Variants in UPF2 observed in about 807,000 individuals in gnomAD.
UPF2 encodes UPF2 regulator of nonsense mediated mRNA decay.
A neutral mutation model predicts 141.4 loss-of-function variants in UPF2; 17 were observed. The ratio of observed to expected loss-of-function variants is 0.12; its 90% confidence interval spans 0.08 to 0.18. The LOEUF is 0.18. Among genes scored for constraint, UPF2 ranks in the 10% least tolerant of loss-of-function variants. The probability of loss-of-function intolerance (pLI) is 1.00; values close to 1 mark genes in which losing one functional copy is unlikely to be tolerated. For synonymous variants in UPF2, 540 were observed against 498.0 expected (o/e 1.08, Z -1.12); for missense variants, 1,152 against 1,515.9 (o/e 0.76, Z 3.99).
rs768994632 is a variant in UPF2, at chr10:11,959,923, T to C, written c.2185-567A>G. 6.6e-6 allele frequency among the ~76,000 whole-genome samples: 1 copy of C among 152,232 alleles called. No homozygotes were observed. Among genetic ancestry groups the C allele is most frequent in the Non-Finnish European group, 1.5e-5 (1 of 68,032 alleles). On this transcript the variant is annotated intron_variant, in intron 11 of 21. Coordinates refer to ENST00000357604, the MANE Select transcript of UPF2 (RefSeq NM_015542.4). This position sits in a 1 kb window ranked among gnomAD's most constrained non-coding sequence, Gnocchi z 5.9. Reference sequence around the variant, plus strand: ...CCTTACGTTTCATCCAATAAAATACTAGAGAACTTTACTACCAAGGTAACT... The same window carrying C: ...CCTTACGTTTCATCCAATAAAATACCAGAGAACTTTACTACCAAGGTAACT...
intron 21 of UPF2, among the ~76,000 whole-genome samples, chr10:11,927,685 T>A (rs1333973571): frequency 6.6e-6 from 1 of 152,106 alleles, no homozygotes; most frequent in Non-Finnish European, 1.5e-5. Context: ...ATTAGATGGG[T>A]TTACAGGTCA....
intron 4 of UPF2, among the ~76,000 whole-genome samples, chr10:12,012,230 C>T (rs1055977519): frequency 1.5e-5 from 2 of 131,608 alleles, no homozygotes; most frequent in Admixed American, 8.0e-5. Flanking sequence ...GCCCAGCTAG[C>T]TTTTGTATCT....
At chr10:11,938,843 T>TTTTG (rs1832888324) in intron 18 of UPF2, among the ~76,000 whole-genome samples, 1 of 102,298 alleles carries the variant, frequency 9.8e-6, no homozygotes, top group African/African-American at 3.8e-5. Context: ...CTTAAGCAAG[T>TTTTG]TTTTTTTTTG....
intron 9 of UPF2, among the ~76,000 whole-genome samples, chr10:11,977,567 C>T (rs1833525931): frequency 6.6e-6 from 1 of 152,170 alleles, no homozygotes; most frequent in Admixed American, 6.5e-5. Context: ...GGTCCAGCAA[C>T]TTGTGTTTTA....
intron 15 of UPF2, 48 bp from the exon 16 acceptor site, chr10:11,948,556 A>T (rs1833034071): frequency 2.5e-6 from 4 of 1,592,684 alleles, no homozygotes; most frequent in Non-Finnish European, 2.6e-6. Flanking sequence ...AAATAGACAC[A>T]GGCTAGTTTT....
At chr10:11,999,119 T>C (rs12413020) in intron 7 of UPF2, among the ~76,000 whole-genome samples, 58,324 of 151,292 alleles carry the variant, frequency 0.39, 13,598 homozygotes, top group Non-Finnish European at 0.51. Flanking sequence ...ATGGTGAAAA[T>C]ATAATGCTAG....
chr10:11,928,836 T>C (rs1223774227), intron 21 of UPF2: 1 of 181,118 alleles, frequency 5.5e-6, no homozygotes, highest in Non-Finnish European at 1.2e-5. Flanking sequence ...TGGTAGGAAT[T>C]CCATCAGGAA....
At chr10:12,026,639 C>T in intron 3 of UPF2, 1 of 450,242 alleles carries the variant, frequency 2.2e-6, no homozygotes, top group Non-Finnish European at 4.4e-6. Flanking sequence ...CTGAAAATTC[C>T]TATAAACTTT....
intron 8 of UPF2, among the ~76,000 whole-genome samples, chr10:11,984,670 A>G (rs1428973344): frequency 2.7e-5 from 4 of 150,816 alleles, no homozygotes; most frequent in Non-Finnish European, 5.9e-5. Context: ...AAGTGGCCCA[A>G]TCTACTGAGT....
At chr10:11,945,571 G>C (rs1339537155) in intron 16 of UPF2, among the ~76,000 whole-genome samples, 1 of 152,124 alleles carries the variant, frequency 6.6e-6, no homozygotes, top group East Asian at 1.9e-4. Flanking sequence ...CATTTTGCTT[G>C]CATTTTTATG....
chr10:11,930,754 G>T (rs889738093), intron 20 of UPF2, among the ~76,000 whole-genome samples: 11 of 152,160 alleles, frequency 7.2e-5, no homozygotes, highest in Non-Finnish European at 1.3e-4. Flanking sequence ...ATCCAGCCTG[G>T]GTGACAGAGG....
chr10:11,944,174 C>A (rs1564339680), intron 16 of UPF2, among the ~76,000 whole-genome samples: 1 of 152,222 alleles, frequency 6.6e-6, no homozygotes, highest in East Asian at 1.9e-4. Flanking sequence ...GCTGAAGATT[C>A]TGAGTTCTTA....
intron 10 of UPF2, among the ~76,000 whole-genome samples, chr10:11,964,904 T>C (rs568831743): frequency 4.9e-4 from 74 of 152,334 alleles, no homozygotes; most frequent in Non-Finnish European, 8.4e-4. Flanking sequence ...CCCAAATCTA[T>C]ACACAAAATT....
At chr10:11,957,809 G>A (rs567088659) in intron 12 of UPF2, among the ~76,000 whole-genome samples, 5 of 152,190 alleles carry the variant, frequency 3.3e-5, no homozygotes, top group Admixed American at 2.0e-4. Flanking sequence ...GAGCCACTAT[G>A]CCAGCTAATA....
chr10:12,008,181 G>A (rs1834066912), intron 4 of UPF2, among the ~76,000 whole-genome samples: 1 of 151,876 alleles, frequency 6.6e-6, no homozygotes, highest in African/African-American at 2.4e-5. Context: ...AAGATACAAG[G>A]GGAAAAAGGA....
rs1032322593 is a variant in UPF2, at chr10:12,042,046, G to A, written c.-19+709C>T. On this transcript the variant is annotated intron_variant, in intron 1 of 21. Coordinates refer to ENST00000357604, the MANE Select transcript of UPF2 (RefSeq NM_015542.4). This position sits in a 1 kb window ranked among gnomAD's most constrained non-coding sequence, Gnocchi z 5.5. ...TGCTTGGCGCCTTGAAGAGGTGAAG[G>A]TAAAGTGAAGAATCAACCAGCCTAT... Among the ~76,000 whole-genome samples, 2 of 152,064 alleles carry A rather than the reference G, an allele frequency of 1.3e-5. No homozygotes were observed. The highest frequency in any genetic ancestry group is 2.9e-5 in the Non-Finnish European group (2 of 68,008).
intron 8 of UPF2, among the ~76,000 whole-genome samples, chr10:11,989,857 T>A (rs561688934): frequency 6.6e-5 from 10 of 151,976 alleles, no homozygotes; most frequent in Non-Finnish European, 1.3e-4. Flanking sequence ...GATCCTTGAG[T>A]CACCTCCTGA....
At chr10:11,934,670 A>G (rs191402490) in intron 19 of UPF2, among the ~76,000 whole-genome samples, 493 of 152,156 alleles carry the variant, frequency 3.2e-3, no homozygotes, top group Non-Finnish European at 5.2e-3. Context: ...GCTCACTACA[A>G]CCTCCACCTC....
intron 14 of UPF2, among the ~76,000 whole-genome samples, chr10:11,952,469 C>CTTTTTTTT (rs869201076): frequency 1.6e-4 from 16 of 97,744 alleles, no homozygotes; most frequent in East Asian, 3.5e-4. Context: ...TACTAAATAT[C>CTTTTTTTT]TTTTTTTTTT....
Sources: allele counts gnomAD v4.1 joint callset (sites outside exome capture counted in the v4.1 genomes callset), GRCh38; gene constraint gnomAD v4.1.1; non-coding constraint Gnocchi (gnomAD v3.1); transcripts MANE v1.5; gene names NCBI Gene and HGNC (gene_info 2026-07-23, HGNC 2026-07-21).